RNF144A: variants seen among roughly 807,000 people sequenced by gnomAD.
RNF144A encodes the protein E3 ubiquitin-protein ligase RNF144A.
In RNF144A, 11 loss-of-function variants were observed where a neutral mutation model predicts 38.7. The observed-to-expected ratio is 0.28, with a 90% CI of 0.18 to 0.47. The LOEUF is 0.47. Ranked by LOEUF, RNF144A falls within the 20% of genes least tolerant of loss-of-function variation. RNF144A has a pLI of 0.99. For synonymous variants in RNF144A, 149 were observed against 143.9 expected (o/e 1.04, Z -0.25); for missense variants, 316 against 377.2 (o/e 0.84, Z 1.34).
At chr2:7,075,537 C>T in the RNF144A span, among the ~76,000 whole-genome samples, 1 of 152,112 alleles carries the variant, frequency 6.6e-6, no homozygotes, top group Non-Finnish European at 1.5e-5. Flanking sequence ...CATGATGCAA[C>T]TGGTGGCTTT....
intron 1 of RNF144A, among the ~76,000 whole-genome samples, chr2:6,922,626 CTTTTTTTT>C (rs1209204554): frequency 1.9e-4 from 26 of 136,940 alleles, no homozygotes; most frequent in Non-Finnish European, 3.4e-4. Flanking sequence ...TCTTGTTTTT[CTTTTTTTT>C]TTTTTTTTGA....
intron 2 of RNF144A, among the ~76,000 whole-genome samples, chr2:6,984,452 G>A (rs1376574762): frequency 2.0e-5 from 3 of 151,988 alleles, no homozygotes; most frequent in Non-Finnish European, 2.9e-5. Flanking sequence ...ACAGGCTCCC[G>A]CCACCACATC....
rs141825512 is a variant in RNF144A at position 7,036,937 on chromosome 2, T to G, written c.748-2692T>G. Among the ~76,000 whole-genome samples, 37 of 152,322 alleles carry G rather than the reference T, an allele frequency of 2.4e-4. 1 individual carries two copies. Among genetic ancestry groups the G allele is most frequent in the African/African-American group, 8.7e-4 (36 of 41,580 alleles). On this transcript the variant is annotated intron_variant, in intron 8 of 8. Coordinates refer to ENST00000320892, the MANE Select transcript of RNF144A (RefSeq NM_014746.6). The stretch of plus-strand genomic sequence containing the variant: ...GCTGTGCATGGGAACTTAGAATGGT[T>G]TGCAGAAAGAGTGTTCTGGCTTTAA...
At chr2:7,069,990 A>C (rs970537688), downstream of RNF144A, among the ~76,000 whole-genome samples, 4 of 152,248 alleles carry the variant, frequency 2.6e-5, no homozygotes, top group African/African-American at 9.6e-5. Context: ...AGACACAATT[A>C]TCTCTCAATC....
At chr2:6,984,008 C>T (rs1214173387) in intron 2 of RNF144A, among the ~76,000 whole-genome samples, 1 of 152,198 alleles carries the variant, frequency 6.6e-6, no homozygotes, top group African/African-American at 2.4e-5. Context: ...GTTGGACAAT[C>T]CCCATCTTGT....
intron 3 of RNF144A, among the ~76,000 whole-genome samples, chr2:7,009,377 C>T (rs1438357998): frequency 6.6e-6 from 1 of 152,200 alleles, no homozygotes; most frequent in Non-Finnish European, 1.5e-5. Context: ...GCACGCCGAT[C>T]ATGACCTGAA....
chr2:6,995,385 G>C lies in RNF144A; in HGVS notation c.-11-1531G>C, dbSNP rs116478577. On this transcript the variant is annotated intron_variant, in intron 2 of 8. Coordinates refer to ENST00000320892, the MANE Select transcript of RNF144A (RefSeq NM_014746.6). ...GGAGTGTATTTGTTAGGGTCCTCTA[G>C]AGGGACAGAACTAATAAGATAGATG... Among the ~76,000 whole-genome samples, 571 of 152,246 alleles carry C rather than the reference G, an allele frequency of 3.8e-3. 5 individuals are homozygous for C. The highest frequency in any genetic ancestry group is 0.013 in the African/African-American group (541 of 41,534).
chr2:7,033,763 C>T (rs1241759618), intron 8 of RNF144A, among the ~76,000 whole-genome samples: 1 of 152,212 alleles, frequency 6.6e-6, no homozygotes, highest in East Asian at 1.9e-4. Context: ...TCTTAGGATA[C>T]AGAAAAGTGC....
chr2:6,942,554 C>T (rs1477244741), intron 2 of RNF144A, among the ~76,000 whole-genome samples: 1 of 152,170 alleles, frequency 6.6e-6, no homozygotes, highest in Non-Finnish European at 1.5e-5. Flanking sequence ...CTTACCATGT[C>T]CTTCCAGAGT....
intron 3 of RNF144A, among the ~76,000 whole-genome samples, chr2:7,002,994 TA>T (rs1045016663): frequency 2.0e-5 from 3 of 151,736 alleles, no homozygotes; most frequent in Admixed American, 1.3e-4. Flanking sequence ...AAAAAAAGTT[TA>T]AAAAAAATAA....
At position 7,040,523 on chromosome 2, in the gene RNF144A, G is replaced by A. The variant is rs1171000510; in HGVS notation, c.*763G>A. The A allele has an allele frequency of 1.0e-6, 1 of 985,272 alleles. No individual in the cohort carries two copies. The highest frequency in any genetic ancestry group is 1.7e-5 in the African/African-American group (1 of 57,220). 61.0% of individuals were successfully genotyped at this position (985,272 alleles called of 1,614,324 possible). Reference sequence around the variant, plus strand: ...GGAACATCTCATCTCCATTAGATTTGCCTTTTGTTGTTTTCTCTCTTTGGT... The same window carrying A: ...GGAACATCTCATCTCCATTAGATTTACCTTTTGTTGTTTTCTCTCTTTGGT... On this transcript the variant is annotated 3_prime_UTR_variant, in exon 9 of 9. Transcript: ENST00000320892.
intron 1 of RNF144A, among the ~76,000 whole-genome samples, chr2:6,938,551 C>T (rs1209249804): frequency 3.3e-5 from 5 of 152,004 alleles, no homozygotes; most frequent in Non-Finnish European, 7.4e-5. Context: ...CGGCCTCTTT[C>T]TTTCTTTTTA....
chr2:7,002,056 T>G lies in RNF144A; in HGVS notation c.135+4995T>G, dbSNP rs573925531. Among the ~76,000 whole-genome samples the G allele has an allele frequency of 6.3e-4, 96 of 152,364 alleles. 1 individual carries two copies. The highest frequency in any genetic ancestry group is 2.1e-3 in the African/African-American group (87 of 41,580). On this transcript the variant is annotated intron_variant, in intron 3 of 8. Transcript: ENST00000320892. ...TATATTTGCAAGATCATTGACCTGG[T>G]ATGCTGCAGAAAAGCTACGTGTAAA...
At chr2:6,982,040 C>T (rs760805252) in intron 2 of RNF144A, among the ~76,000 whole-genome samples, 17 of 152,192 alleles carry the variant, frequency 1.1e-4, no homozygotes, top group Middle Eastern at 3.4e-3. Context: ...CATCGGATCT[C>T]GTGAGATCTC....
At chr2:6,982,312 G>A (rs933559538) in intron 2 of RNF144A, among the ~76,000 whole-genome samples, 6 of 152,190 alleles carry the variant, frequency 3.9e-5, no homozygotes, top group African/African-American at 1.4e-4. Context: ...CAGAAGATGG[G>A]TGCATTAGGT....
chr2:6,986,212 C>G (rs1282174176), intron 2 of RNF144A, among the ~76,000 whole-genome samples: 2 of 152,056 alleles, frequency 1.3e-5, no homozygotes, highest in African/African-American at 4.8e-5. Flanking sequence ...CTCAGGGTCA[C>G]ATGGGTCAGT....
intron 3 of RNF144A, among the ~76,000 whole-genome samples, chr2:6,998,119 C>T (rs1198702815): frequency 6.6e-6 from 1 of 151,552 alleles, no homozygotes; most frequent in Non-Finnish European, 1.5e-5. Context: ...AAAAATAAAA[C>T]ACAATATTTA....
Position 7,040,688 on chromosome 2 carries a change from GAT to G in RNF144A, c.*930_*931del. On this transcript the variant is annotated 3_prime_UTR_variant, in exon 9 of 9. Transcript: ENST00000320892. Reference sequence around the variant, plus strand: ...GTCTGGCCTCTGGCCTCAGTCTTCAGATAGACAGTAAGAAGAAAGCAGCCTCA... The same window carrying G: ...GTCTGGCCTCTGGCCTCAGTCTTCAGAGACAGTAAGAAGAAAGCAGCCTCA... 2 of 985,494 alleles carry G rather than the reference GAT, an allele frequency of 2.0e-6. No homozygotes were observed. The highest frequency in any genetic ancestry group is 2.4e-6 in the Non-Finnish European group (2 of 829,950). 61.0% of individuals were successfully genotyped at this position (985,494 alleles called of 1,614,324 possible). A position where few individuals can be genotyped will look rare whatever the true frequency, so the allele number is the denominator to read the frequency against.
At chr2:7,075,190 C>T in the RNF144A span, among the ~76,000 whole-genome samples, 6 of 152,176 alleles carry the variant, frequency 3.9e-5, no homozygotes, top group Admixed American at 6.5e-5. Flanking sequence ...TCTTCTACCC[C>T]ACTCTCCCAC....
Sources: gnomAD v4.1 joint callset for allele counts (sites outside exome capture counted in the v4.1 genomes callset) on GRCh38, gnomAD v4.1.1 for gene constraint, MANE v1.5 for transcripts, NCBI Gene and HGNC (gene_info 2026-07-23, HGNC 2026-07-21) for gene names.